Variants in TOR3A observed in about 807,000 individuals in gnomAD.
The protein encoded by TOR3A is torsin-3A.
In TOR3A, 44 loss-of-function variants were observed where a neutral mutation model predicts 42.1. The ratio of observed to expected loss-of-function variants is 1.04; its 90% CI spans 0.82 to 1.34. The LOEUF is 1.34. Ranked by LOEUF, TOR3A falls within the 40% of genes most tolerant of loss-of-function variation. The pLI is 0.00. For missense variants in TOR3A, 521 were observed against 507.6 expected (o/e 1.03, Z -0.25); for synonymous variants, 227 against 213.2 (o/e 1.06, Z -0.57).
intron 4 of TOR3A, among the ~76,000 whole-genome samples, chr1:179,093,429 G>T (rs1652647860): frequency 6.6e-6 from 1 of 152,174 alleles, no homozygotes; most frequent in Non-Finnish European, 1.5e-5. Context: ...AGCAGCTTGA[G>T]GCTAACGCTT....
chr1:179,087,946 G>A lies in TOR3A; in HGVS notation c.675G>A (p.Gln225=), dbSNP rs1434630212. The A allele has an allele frequency of 4.4e-6, 7 of 1,606,418 alleles. No homozygotes were observed. Among genetic ancestry groups the A allele is most frequent in the Middle Eastern group, 1.7e-4 (1 of 6,016 alleles). The part of the protein sequence containing the change: ...QLMSQIRETQ[Q]LCHQTLFIFD... ...TGAGCCAGATCCGGGAGACGCAGCA[G>A]CTCTGCCACCAGACCCTGTTCATCT... Residue 225 remains glutamine (Q), a synonymous_variant, in exon 4 of 6, where the codon CAG becomes CAA. Coordinates refer to ENST00000367627, the MANE Select transcript of TOR3A (RefSeq NM_022371.4).
At chr1:179,090,250 G>A (rs529481955) in intron 4 of TOR3A, among the ~76,000 whole-genome samples, 1 of 152,356 alleles carries the variant, frequency 6.6e-6, no homozygotes, top group African/African-American at 2.4e-5. Flanking sequence ...TGGCTCTGGT[G>A]TGGGCCTGTG....
chr1:179,086,005 GT>G, intron 3 of TOR3A, 112 bp downstream of exon 3: 1 of 1,376,220 alleles, frequency 7.3e-7, no homozygotes, highest in Non-Finnish European at 9.8e-7. Context: ...GTGGGGACAG[GT>G]GGCAGAACCT....
chr1:179,092,949 G>A (rs1051918089), intron 4 of TOR3A, among the ~76,000 whole-genome samples: 1 of 152,162 alleles, frequency 6.6e-6, no homozygotes, highest in Non-Finnish European at 1.5e-5. Context: ...AGGCTGCAGT[G>A]AGCCAAAATC....
chr1:179,087,381 G>A (rs906390796), intron 3 of TOR3A, among the ~76,000 whole-genome samples: 1 of 152,198 alleles, frequency 6.6e-6, no homozygotes, highest in Non-Finnish European at 1.5e-5. Context: ...GTTCAGGGCA[G>A]GGGACTGTGG....
chr1:179,085,397 C>T (rs878856343), intron 2 of TOR3A: 1 of 515,012 alleles, frequency 1.9e-6, no homozygotes, highest in Non-Finnish European at 3.5e-6. Context: ...GCACTCCAGC[C>T]TGGTGACAGA....
Position 179,088,033 on chromosome 1 carries a change from C to A in TOR3A, c.762C>A (p.Arg254=), listed in dbSNP as rs759004318. The A allele has an allele frequency of 6.2e-7, 1 of 1,613,394 alleles. No homozygotes were observed. Among genetic ancestry groups the A allele is most frequent in the Non-Finnish European group, 8.5e-7 (1 of 1,179,682 alleles). The change falls in exon 4 of 6, where the codon CGC becomes CGA. Residue 254 remains arginine, a synonymous_variant. Transcript: ENST00000367627. ...LLEVLGPHLE[R]RAPEGHRAES... ...AGGTCCTTGGGCCACACTTAGAACGCCGGGCCCCTGAGGGCCACAGGGCTG... is the reference window on the plus strand; with the variant it reads ...AGGTCCTTGGGCCACACTTAGAACGACGGGCCCCTGAGGGCCACAGGGCTG...
At position 179,087,952 on chromosome 1, in the gene TOR3A, C is replaced by T; in HGVS notation, c.681C>T (p.Cys227=). 1 of 1,608,580 alleles carries T rather than the reference C, an allele frequency of 6.2e-7. No individual in the cohort carries two copies. Among genetic ancestry groups the T allele is most frequent in the Middle Eastern group, 1.7e-4 (1 of 6,014 alleles). Residue 227 remains cysteine (C), a synonymous_variant, in exon 4 of 6, where the codon TGC becomes TGT. Coordinates refer to ENST00000367627, the MANE Select transcript of TOR3A (RefSeq NM_022371.4). ...MSQIRETQQL[C]HQTLFIFDEA... ...AGATCCGGGAGACGCAGCAGCTCTGCCACCAGACCCTGTTCATCTTCGATG... is the reference window on the plus strand; with the variant it reads ...AGATCCGGGAGACGCAGCAGCTCTGTCACCAGACCCTGTTCATCTTCGATG...
chr1:179,083,581 CGGGGGGGGGGGG>C (rs78979955), intron 2 of TOR3A, among the ~76,000 whole-genome samples: 2 of 102,594 alleles, frequency 1.9e-5, no homozygotes, highest in African/African-American at 6.2e-5. Context: ...TTAGTAGAGG[CGGGGGGGGGGGG>C]GGGGGGCGGG....
At chr1:179,087,848 G>A in intron 3 of TOR3A, 63 bp from the exon 4 acceptor site, 1 of 1,471,814 alleles carries the variant, frequency 6.8e-7, no homozygotes, top group Non-Finnish European at 9.1e-7. Context: ...GGGAAACCAC[G>A]CCCTCAAGGC....
chr1:179,083,063 C>T lies in TOR3A; in HGVS notation c.373+10C>T. The T allele has an allele frequency of 6.8e-7, 1 of 1,481,334 alleles. No individual in the cohort carries two copies. The highest frequency in any genetic ancestry group is 2.4e-5 in the Admixed American group (1 of 42,426). 91.8% of individuals were successfully genotyped at this position (1,481,334 alleles called of 1,614,324 possible). ...TCCAACAACTTTACAGGTTGGACCC[C>T]GCATGGCTTCAAGGGGCTAGGGATC... On this transcript the variant is annotated intron_variant, in intron 2 of 5. Transcript: ENST00000367627.
chr1:179,082,092 G>T lies in TOR3A; in HGVS notation c.-37G>T. The T allele has an allele frequency of 7.0e-7, 1 of 1,432,112 alleles. No homozygotes were observed. Among genetic ancestry groups the T allele is most frequent in the Non-Finnish European group, 9.0e-7 (1 of 1,105,274 alleles). The allele number at this position is 1,432,112 out of a possible 1,614,324, so 88.7% of individuals were successfully genotyped here. A position where few individuals can be genotyped will look rare whatever the true frequency, so the allele number is the denominator to read the frequency against. On this transcript the variant is annotated 5_prime_UTR_variant, in exon 1 of 6. Coordinates refer to ENST00000367627, the MANE Select transcript of TOR3A (RefSeq NM_022371.4). ...CCCGGGCTTAAGGGAGCCTGGCTAG[G>T]CCGGCAGCCGGATGGTCCCGCAGCT... is the stretch of plus-strand genomic sequence containing the variant.
chr1:179,089,204 C>T (rs1013059804), intron 4 of TOR3A, among the ~76,000 whole-genome samples: 2 of 151,814 alleles, frequency 1.3e-5, no homozygotes, highest in African/African-American at 2.4e-5. Flanking sequence ...GCCTGTAATC[C>T]CAGCTACTCG....
chr1:179,088,680 T>G (rs1652498928), intron 4 of TOR3A, among the ~76,000 whole-genome samples: 1 of 152,240 alleles, frequency 6.6e-6, no homozygotes, highest in South Asian at 2.1e-4. Context: ...GTACCTGTAG[T>G]TCAGTTGTGA....
chr1:179,089,346 G>A (rs1430938413), intron 4 of TOR3A, among the ~76,000 whole-genome samples: 1 of 151,278 alleles, frequency 6.6e-6, no homozygotes, highest in African/African-American at 2.4e-5. Flanking sequence ...AAGTGAAACA[G>A]GTTTAAGCCG....
At chr1:179,092,143 G>A (rs750101746) in intron 4 of TOR3A, among the ~76,000 whole-genome samples, 3 of 152,194 alleles carry the variant, frequency 2.0e-5, no homozygotes, top group Non-Finnish European at 4.4e-5. Flanking sequence ...AACCTGCGTG[G>A]CAGGGAAGGA....
At position 179,089,587 on chromosome 1, in the gene TOR3A, C is replaced by T. The variant is rs139221686; in HGVS notation, c.818+1498C>T. Reference sequence around the variant, plus strand: ...CACGTTCTGTACTATTTCCCACCTTCGGAGGCAGCCGGGCTCACCTCTCCT... The same window carrying T: ...CACGTTCTGTACTATTTCCCACCTTTGGAGGCAGCCGGGCTCACCTCTCCT... On this transcript the variant is annotated intron_variant, in intron 4 of 5. Coordinates refer to ENST00000367627, the MANE Select transcript of TOR3A (RefSeq NM_022371.4). Among the ~76,000 whole-genome samples, 26 of 152,324 alleles carry T rather than the reference C, an allele frequency of 1.7e-4. No homozygotes were observed. In the East Asian group the frequency reaches 2.1e-3, roughly 12 times the overall value.
chr1:179,085,995 G>A (rs1260527629), intron 3 of TOR3A, 102 bp downstream of exon 3: 3 of 1,421,020 alleles, frequency 2.1e-6, no homozygotes, highest in African/African-American at 1.4e-5. Flanking sequence ...GCCTGGGGAG[G>A]TGGGGACAGG....
chr1:179,086,617 G>A (rs1652443290), intron 3 of TOR3A, among the ~76,000 whole-genome samples: 1 of 149,072 alleles, frequency 6.7e-6, no homozygotes, highest in Non-Finnish European at 1.5e-5. Context: ...AGTGAGCCGA[G>A]ATCGTGCCGC....
Sources: gnomAD v4.1 joint callset for allele counts (sites outside exome capture counted in the v4.1 genomes callset) on GRCh38, gnomAD v4.1.1 for gene constraint, MANE v1.5 for transcripts, NCBI Gene and HGNC (gene_info 2026-07-23, HGNC 2026-07-21) for gene names.